The following EIF3L variants were observed in gnomAD, a reference collection of about 807,000 sequenced individuals.
EIF3L encodes the protein eukaryotic translation initiation factor 3 subunit L.
Under a neutral mutation model 74.6 loss-of-function variants are expected in EIF3L, and 32 were observed. The observed-to-expected ratio is 0.43, with a 90% CI of 0.32 to 0.58. EIF3L has a LOEUF of 0.58. EIF3L is among the 20% of genes least tolerant of loss of function. The pLI is 0.06. For synonymous variants in EIF3L, 256 were observed against 254.4 expected (o/e 1.01, Z -0.06); for missense variants, 474 against 707.8 (o/e 0.67, Z 3.75).
intron 5 of EIF3L, among the ~76,000 whole-genome samples, chr22:37,861,467 C>T (rs949516105): frequency 1.3e-5 from 2 of 152,096 alleles, no homozygotes; most frequent in East Asian, 1.9e-4. Flanking sequence ...GGGTGGATCA[C>T]GAGGTCAGGA....
At chr22:37,876,824 G>T (rs1926777677) in intron 10 of EIF3L, 1 of 150,934 alleles carries the variant, frequency 6.6e-6, no homozygotes, top group African/African-American at 2.4e-5. Flanking sequence ...GAAGGAGGAT[G>T]GGTTCAAGAA....
At chr22:37,863,418 A>T in intron 7 of EIF3L, 73 bp downstream of exon 7, 1 of 1,282,446 alleles carries the variant, frequency 7.8e-7, no homozygotes, top group Admixed American at 2.0e-5. Context: ...TTGTTTGTGT[A>T]AAAAAGCTGC....
intron 3 of EIF3L, 104 bp downstream of exon 3, chr22:37,851,594 G>GT: frequency 8.0e-6 from 4 of 498,582 alleles, no homozygotes; most frequent in East Asian, 5.2e-5. Flanking sequence ...TTTCGGGGGG[G>GT]TTGGGGGGTG....
intron 9 of EIF3L, 36 bp downstream of exon 9, chr22:37,874,560 C>T (rs1015738182): frequency 1.3e-6 from 2 of 1,598,586 alleles, no homozygotes; most frequent in Admixed American, 1.7e-5. Context: ...CTTGCCAGAG[C>T]CAGAATATCT....
rs71195065 is a variant in EIF3L, at chr22:37,868,634, C to CTTTTTTTTT, written c.580-1525_580-1517dup. 2.8e-4 allele frequency among the ~76,000 whole-genome samples: 7 copies of CTTTTTTTTT among 25,104 alleles called. 2 individuals carry two copies. The highest frequency in any genetic ancestry group is 5.7e-4 in the African/African-American group (4 of 6,986). The allele number at this position is 25,104 out of a possible 152,430, so 16.5% of individuals were successfully genotyped here. A position where few individuals can be genotyped will look rare whatever the true frequency, so the allele number is the denominator to read the frequency against. On this transcript the variant is annotated intron_variant, in intron 7 of 12. Coordinates refer to ENST00000652021, the MANE Select transcript of EIF3L (RefSeq NM_016091.4). Reference sequence around the variant, plus strand: ...ACACCTGGCTATTTTTGTTTTGGTGCTTTTTTTTTTTTTTTTTTTTTTTTT... The same window carrying CTTTTTTTTT: ...ACACCTGGCTATTTTTGTTTTGGTGCTTTTTTTTTTTTTTTTTTTTTTTTTTTTTTTTTT...
intron 11 of EIF3L, 44 bp from the exon 12 acceptor site, chr22:37,886,721 T>C: frequency 6.4e-7 from 1 of 1,572,874 alleles, no homozygotes; most frequent in Non-Finnish European, 8.7e-7. Context: ...ATGGCCCTGC[T>C]CCTCCACCTG....
In EIF3L at chr22:37,863,327, C is replaced by G. The variant is rs151317788; in HGVS notation, c.561C>G (p.Ile187Met). The change falls in exon 7 of 13, where the codon ATC becomes ATG. Residue 187 changes from isoleucine (I) to methionine (M), a missense_variant. Ile to Met is a conservative substitution (Grantham distance 10, BLOSUM62 1). Coordinates refer to ENST00000652021, the MANE Select transcript of EIF3L (RefSeq NM_016091.4). ...ELPNQWLWDIIDEFIYQFQSF... is the reference protein window; with the variant it reads ...ELPNQWLWDIMDEFIYQFQSF... ...CCAACCAGTGGCTCTGGGATATTAT[C>G]GATGAGTTCATCTACCAGGTATCTG... The G allele has an allele frequency of 6.2e-7, 1 of 1,613,542 alleles. No individual in the cohort carries two copies. Among genetic ancestry groups the G allele is most frequent in the Non-Finnish European group, 8.5e-7 (1 of 1,179,768 alleles).
In EIF3L at chr22:37,877,822, A is replaced by C; in HGVS notation, c.1226A>C (p.Tyr409Ser). ...ATGCAGAAAGGTGACCCACAAGTCT[A>C]TGAAGAACTTTTCAGTTACTCCTGC... The part of the protein sequence containing the change: ...LRMQKGDPQV[Y>S]EELFSYSCPK... The change falls in exon 11 of 13, where the codon TAT becomes TCT. Residue 409 changes from tyrosine to serine, a missense_variant. Physicochemically the swap from Tyr to Ser is moderately radical, Grantham distance 144. Transcript: ENST00000652021. The C allele has an allele frequency of 6.2e-7, 1 of 1,613,954 alleles. No homozygotes were observed. Among genetic ancestry groups the C allele is most frequent in the Non-Finnish European group, 8.5e-7 (1 of 1,179,870 alleles).
chr22:37,850,400 C>A (rs765475387), intron 2 of EIF3L: 2 of 252,246 alleles, frequency 7.9e-6, no homozygotes, highest in Non-Finnish European at 1.6e-5. Flanking sequence ...GTGGTGCGAT[C>A]TCGGCTCACT....
chr22:37,849,521 G>A, intron 1 of EIF3L, 39 bp downstream of exon 1: 1 of 1,563,200 alleles, frequency 6.4e-7, no homozygotes, highest in Non-Finnish European at 8.7e-7. Flanking sequence ...TCCACGACGG[G>A]GTGATCTCTG....
At position 37,852,287 on chromosome 22, in the gene EIF3L, A is replaced by G. The variant is rs763110896; in HGVS notation, c.293+797A>G. 1.1e-4 allele frequency among the ~76,000 whole-genome samples: 17 copies of G among 152,272 alleles called. No individual in the cohort carries two copies. The East Asian group carries it at 2.7e-3, about 24-fold the overall frequency. ...AGCCCATGAAGTAGCAGTTTTTCTCATTTTACAGATGAGGAAACAGCACAG... is the reference window on the plus strand; with the variant it reads ...AGCCCATGAAGTAGCAGTTTTTCTCGTTTTACAGATGAGGAAACAGCACAG... On this transcript the variant is annotated intron_variant, in intron 3 of 12. Transcript: ENST00000652021.
intron 4 of EIF3L, among the ~76,000 whole-genome samples, chr22:37,855,893 G>A (rs1242776374): frequency 1.3e-5 from 2 of 151,980 alleles, no homozygotes; most frequent in African/African-American, 2.4e-5. Context: ...TATAATTTGG[G>A]GGTCATTACA....
intron 7 of EIF3L, among the ~76,000 whole-genome samples, chr22:37,865,602 G>C (rs1926107655): frequency 6.6e-6 from 1 of 152,176 alleles, no homozygotes; most frequent in African/African-American, 2.4e-5. Flanking sequence ...CCGTGAACCA[G>C]GGAGACGTTG....
At chr22:37,885,818 AT>A (rs1927288682) in intron 11 of EIF3L, 1 of 151,458 alleles carries the variant, frequency 6.6e-6, no homozygotes. Context: ...CTGGTCTTGA[AT>A]TCCCAACCTC....
rs1451587675 is a variant in EIF3L at position 37,874,350 on chromosome 22, A to C, written c.752-20A>C. ...CTTTACCTGCCTCCTATCAGTATTCACGGTGTCTGTCTCTTTCAGGTGACC... is the reference window on the plus strand; with the variant it reads ...CTTTACCTGCCTCCTATCAGTATTCCCGGTGTCTGTCTCTTTCAGGTGACC... On this transcript the variant is annotated intron_variant, in intron 8 of 12. Transcript: ENST00000652021. 2 of 1,611,242 alleles carry C rather than the reference A, an allele frequency of 1.2e-6. No individual in the cohort carries two copies. Among genetic ancestry groups the C allele is most frequent in the African/African-American group, 2.7e-5 (2 of 74,806 alleles).
intron 7 of EIF3L, among the ~76,000 whole-genome samples, chr22:37,868,109 G>A (rs949683731): frequency 1.6e-5 from 2 of 128,752 alleles, no homozygotes; most frequent in Non-Finnish European, 3.2e-5. Context: ...TTCTTTGTAG[G>A]ATTTTTTTTT....
intron 11 of EIF3L, chr22:37,882,372 C>G (rs552581112): frequency 6.6e-6 from 1 of 152,102 alleles, no homozygotes; most frequent in Non-Finnish European, 1.5e-5. Context: ...TTGAGCAGTT[C>G]TTAAAAATAC....
intron 3 of EIF3L, among the ~76,000 whole-genome samples, chr22:37,854,909 G>C (rs978296779): frequency 1.7e-4 from 26 of 152,140 alleles, no homozygotes; most frequent in Admixed American, 1.4e-3. Context: ...CCAAAGTGTT[G>C]AGATTACAGG....
rs1926846611 is a variant in EIF3L at position 37,878,045 on chromosome 22, G to A, written c.1449G>A (p.Glu483=). The change falls in exon 11 of 13, where the codon GAG becomes GAA. Residue 483 remains glutamate (E), a synonymous_variant. Transcript: ENST00000652021. ...TGGCTGGCTTCCTGGACCTCACAGA[G>A]CAGGAGTTCCGGATCCAGCTTCTTG... The part of the protein sequence containing the change: ...AKLAGFLDLT[E]QEFRIQLLVF... 1.9e-6 allele frequency: 3 copies of A among 1,614,088 alleles called. No individual in the cohort carries two copies. Among genetic ancestry groups the A allele is most frequent in the East Asian group, 4.5e-5 (2 of 44,876 alleles).
Sources: gnomAD v4.1 joint callset for allele counts (sites outside exome capture counted in the v4.1 genomes callset) on GRCh38, gnomAD v4.1.1 for gene constraint, MANE v1.5 for transcripts, NCBI Gene and HGNC (gene_info 2026-07-23, HGNC 2026-07-21) for gene names.